The following COL19A1 variants were observed in gnomAD, a reference collection of about 807,000 sequenced individuals.
COL19A1 encodes collagen type XIX alpha 1 chain.
COL19A1 carries 159 observed loss-of-function variants against 190.2 expected under a neutral mutation model. The ratio of observed to expected loss-of-function variants is 0.84; its 90% CI spans 0.73 to 0.95. The LOEUF is 0.95. COL19A1 is among the 40% of genes least tolerant of loss of function. The pLI, the probability that COL19A1 is intolerant of heterozygous loss-of-function variation, is 0.00. For synonymous variants in COL19A1, 509 were observed against 458.9 expected (o/e 1.11, Z -1.39); for missense variants, 1,418 against 1,431.9 (o/e 0.99, Z 0.16).
intron 15 of COL19A1, among the ~76,000 whole-genome samples, chr6:70,086,428 G>A (rs1782595621): frequency 1.3e-5 from 2 of 152,042 alleles, no homozygotes; most frequent in African/African-American, 2.4e-5. Flanking sequence ...AGGAAGGTGA[G>A]GGAAAAAGGA....
chr6:70,194,565 A>C (rs1562261680), intron 48 of COL19A1, among the ~76,000 whole-genome samples: 1 of 152,196 alleles, frequency 6.6e-6, no homozygotes, highest in East Asian at 1.9e-4. Context: ...TTTTGCTAGT[A>C]AAGTGACCAC....
intron 11 of COL19A1, among the ~76,000 whole-genome samples, chr6:69,984,096 A>G: frequency 6.6e-6 from 1 of 152,074 alleles, no homozygotes; most frequent in Non-Finnish European, 1.5e-5. Flanking sequence ...TCTTTGTGAA[A>G]GATTTTTACA....
intron 11 of COL19A1, among the ~76,000 whole-genome samples, chr6:69,992,857 G>GC (rs1776704938): frequency 6.6e-6 from 1 of 151,430 alleles, no homozygotes; most frequent in Non-Finnish European, 1.5e-5. Context: ...CATTTGGGCA[G>GC]AGATTATGGG....
chr6:70,177,739 C>T (rs1485108528), intron 42 of COL19A1, among the ~76,000 whole-genome samples: 2 of 152,192 alleles, frequency 1.3e-5, no homozygotes, highest in Non-Finnish European at 2.9e-5. Context: ...CTGGAAGTGT[C>T]CTTAGAGAAC....
At chr6:70,161,507 T>C (rs2150259247) in intron 34 of COL19A1, among the ~76,000 whole-genome samples, 1 of 152,216 alleles carries the variant, frequency 6.6e-6, no homozygotes. Context: ...TACTTATAAG[T>C]GAGGGCTAAG....
chr6:69,900,456 T>C, intron 4 of COL19A1, 118 bp downstream of exon 4: 1 of 505,436 alleles, frequency 2.0e-6, no homozygotes, highest in Non-Finnish European at 3.4e-6. Flanking sequence ...CTCACTGGAA[T>C]GCAGTGGTAA....
At chr6:69,994,392 C>T (rs1025905691) in intron 11 of COL19A1, among the ~76,000 whole-genome samples, 3 of 152,022 alleles carry the variant, frequency 2.0e-5, no homozygotes, top group Middle Eastern at 3.2e-3. Flanking sequence ...AAACAAGGAA[C>T]GAGTTAAAGA....
At chr6:70,067,843 A>C (rs1227582260) in intron 14 of COL19A1, among the ~76,000 whole-genome samples, 1 of 152,052 alleles carries the variant, frequency 6.6e-6, no homozygotes, top group Non-Finnish European at 1.5e-5. Context: ...TGACTTTCAG[A>C]TTAATACCTG....
intron 4 of COL19A1, among the ~76,000 whole-genome samples, chr6:69,908,521 C>T (rs1770705128): frequency 6.6e-6 from 1 of 152,052 alleles, no homozygotes; most frequent in Non-Finnish European, 1.5e-5. Context: ...ATGGAAAGAA[C>T]ATATACAAAT....
At chr6:70,021,732 C>T (rs1778425943) in intron 11 of COL19A1, among the ~76,000 whole-genome samples, 1 of 152,144 alleles carries the variant, frequency 6.6e-6, no homozygotes, top group African/African-American at 2.4e-5. Context: ...ATATAGTAGG[C>T]ATGGTTGAGC....
intron 16 of COL19A1, among the ~76,000 whole-genome samples, chr6:70,116,630 T>G (rs995207602): frequency 4.0e-5 from 6 of 151,070 alleles, no homozygotes; most frequent in African/African-American, 1.5e-4. Flanking sequence ...ATGTCTGAAT[T>G]TAGGCTTCCT....
chr6:70,113,078 T>C (rs1784373547), intron 16 of COL19A1, among the ~76,000 whole-genome samples: 1 of 152,166 alleles, frequency 6.6e-6, no homozygotes. Context: ...TAGCGATATC[T>C]TAGACTGAGA....
In COL19A1 at chr6:70,140,940, C is replaced by A. The variant is rs1786210216; in HGVS notation, c.1447-14C>A. 6.2e-7 allele frequency: 1 copy of A among 1,609,742 alleles called. No individual in the cohort carries two copies. The highest frequency in any genetic ancestry group is 8.5e-7 in the Non-Finnish European group (1 of 1,176,874). ...TAAGAGCGTTTAATTCTATTTTCTA[C>A]CCCTTCTCCTTAGGGAGAGCCTTTT... On this transcript the variant is annotated splice_polypyrimidine_tract_variant and intron_variant, in intron 19 of 50. Coordinates refer to ENST00000620364, the MANE Select transcript of COL19A1 (RefSeq NM_001858.6).
intron 15 of COL19A1, among the ~76,000 whole-genome samples, chr6:70,089,187 G>T (rs1782756730): frequency 6.6e-6 from 1 of 151,928 alleles, no homozygotes; most frequent in Non-Finnish European, 1.5e-5. Flanking sequence ...ATAATCATCT[G>T]GTAAAAATAC....
At chr6:70,130,004 A>G (rs1048860082) in intron 17 of COL19A1, among the ~76,000 whole-genome samples, 178 bp from the exon 18 acceptor site, 5 of 152,232 alleles carry the variant, frequency 3.3e-5, no homozygotes, top group Admixed American at 2.6e-4. Flanking sequence ...ATTTAGAAGA[A>G]TATTTAACAG....
At chr6:70,035,183 G>A (rs1779283545) in intron 13 of COL19A1, among the ~76,000 whole-genome samples, 1 of 152,168 alleles carries the variant, frequency 6.6e-6, no homozygotes, top group Non-Finnish European at 1.5e-5. Context: ...ACCGTGGAAA[G>A]GATGCGTGGT....
intron 2 of COL19A1, among the ~76,000 whole-genome samples, chr6:69,895,415 A>G (rs1769657057): frequency 6.6e-6 from 1 of 152,226 alleles, no homozygotes; most frequent in Non-Finnish European, 1.5e-5. Context: ...ACTTTTCCTT[A>G]GTGCAGCTAA....
intron 9 of COL19A1, among the ~76,000 whole-genome samples, chr6:69,938,580 T>C (rs377395349): frequency 6.6e-6 from 1 of 152,006 alleles, no homozygotes; most frequent in African/African-American, 2.4e-5. Flanking sequence ...TAAAGACAAA[T>C]AGGATATATT....
rs766218528 is a variant in COL19A1, at chr6:69,950,284, T to C, written c.937-9712T>C. Among the ~76,000 whole-genome samples, 4 of 151,668 alleles carry C rather than the reference T, an allele frequency of 2.6e-5. No homozygotes were observed. The East Asian group carries it at 7.7e-4, about 29-fold the overall frequency. On this transcript the variant is annotated intron_variant, in intron 9 of 50. Transcript: ENST00000620364. ...TAAAATGTATTTATGGAATGTGGAG[T>C]CATGAGGACTCTAATAAGGATGAAG...
Sources: gnomAD v4.1 joint callset for allele counts (sites outside exome capture counted in the v4.1 genomes callset) on GRCh38, gnomAD v4.1.1 for gene constraint, MANE v1.5 for transcripts, NCBI Gene and HGNC (gene_info 2026-07-23, HGNC 2026-07-21) for gene names.